The following HIKESHI variants were observed in gnomAD, a reference collection of about 807,000 sequenced individuals.
HIKESHI encodes the protein protein Hikeshi.
In HIKESHI, 13 loss-of-function variants were observed where a neutral mutation model predicts 25.7. That is an observed-to-expected ratio of 0.51 (90% CI 0.33 to 0.80). HIKESHI has a LOEUF of 0.80. Among genes scored for constraint, HIKESHI ranks in the 30% least tolerant of loss-of-function variants. The pLI is 0.02. For synonymous variants in HIKESHI, 76 were observed against 78.7 expected (o/e 0.97, Z 0.18); for missense variants, 174 against 229.5 (o/e 0.76, Z 1.56).
At chr11:86,329,003 A>C (rs1327541397) in intron 2 of HIKESHI, among the ~76,000 whole-genome samples, 1 of 151,958 alleles carries the variant, frequency 6.6e-6, no homozygotes, top group Non-Finnish European at 1.5e-5. Flanking sequence ...ATATTACCTC[A>C]TAATGGGTTA....
At chr11:86,333,929 T>C (rs539429180) in intron 2 of HIKESHI, among the ~76,000 whole-genome samples, 85 of 151,666 alleles carry the variant, frequency 5.6e-4, no homozygotes, top group Middle Eastern at 3.4e-3. Context: ...TTTCAGGTAT[T>C]ATATTATGGC....
intron 2 of HIKESHI, among the ~76,000 whole-genome samples, chr11:86,327,778 A>G (rs1947320791): frequency 6.6e-6 from 1 of 152,164 alleles, no homozygotes; most frequent in Admixed American, 6.5e-5. Flanking sequence ...CTGGGTTTCC[A>G]TTTTTTAATT....
At chr11:86,318,321 A>AAAAAAAAAAAAAAAAAAAAAAAAAAAAC (rs1947049941) in intron 2 of HIKESHI, among the ~76,000 whole-genome samples, 1 of 148,576 alleles carries the variant, frequency 6.7e-6, no homozygotes, top group Non-Finnish European at 1.5e-5. Flanking sequence ...AAAAAAAAAA[A>AAAAAAAAAAAAAAAAAAAAAAAAAAAAC]AATCCTGAAT....
chr11:86,315,685 G>GAGTTT, intron 2 of HIKESHI, among the ~76,000 whole-genome samples: 2 of 152,070 alleles, frequency 1.3e-5, no homozygotes, highest in Non-Finnish European at 2.9e-5. Flanking sequence ...TGAAGATGAA[G>GAGTTT]ACCATTAGCG....
chr11:86,322,995 G>A (rs538532002), intron 2 of HIKESHI, among the ~76,000 whole-genome samples: 3 of 152,070 alleles, frequency 2.0e-5, no homozygotes, highest in Non-Finnish European at 2.9e-5. Flanking sequence ...TAGGGAGGCC[G>A]GGGCAGGTGG....
chr11:86,326,384 A>G, intron 2 of HIKESHI: 1 of 417,764 alleles, frequency 2.4e-6, no homozygotes, highest in Non-Finnish European at 4.7e-6. Context: ...GTCTTTTGTT[A>G]TATTATGTAA....
At chr11:86,307,189 A>G (rs1289595772) in intron 2 of HIKESHI, among the ~76,000 whole-genome samples, 3 of 81,056 alleles carry the variant, frequency 3.7e-5, no homozygotes, top group African/African-American at 4.8e-5. Context: ...AATATATATT[A>G]TGTGTAATAT....
At position 86,304,512 on chromosome 11, in the gene HIKESHI, C is replaced by CTTT. The variant is rs35545393; in HGVS notation, c.31-1713_31-1711dup. On this transcript the variant is annotated intron_variant, in intron 1 of 4. Coordinates refer to ENST00000278483, the MANE Select transcript of HIKESHI (RefSeq NM_016401.4). ...GCCAGTGTGTGAGTTGCACAACTCA[C>CTTT]TTTTTTTTTTTTTTTTTTTTTTGAG... is the stretch of plus-strand genomic sequence containing the variant. Among the ~76,000 whole-genome samples, 190 of 112,520 alleles carry CTTT rather than the reference C, an allele frequency of 1.7e-3. 1 individual carries two copies. Among genetic ancestry groups the CTTT allele is most frequent in the East Asian group, 2.7e-3 (10 of 3,684 alleles). The allele number at this position is 112,520 out of a possible 152,430, so 73.8% of individuals were successfully genotyped here.
In HIKESHI at chr11:86,307,607, A is replaced by G. The variant is rs1488075951; in HGVS notation, c.268+1125A>G. On this transcript the variant is annotated intron_variant, in intron 2 of 4. Transcript: ENST00000278483. ...ATATATTATGTGTAGTATACATTAT[A>G]TATAAAATATATATTATGTGTAGTA... Among the ~76,000 whole-genome samples the G allele has an allele frequency of 1.7e-5, 2 of 118,150 alleles. 1 individual carries two copies. The highest frequency in any genetic ancestry group is 3.3e-5 in the Non-Finnish European group (2 of 60,248). The allele number at this position is 118,150 out of a possible 152,430, so 77.5% of individuals were successfully genotyped here. A position where few individuals can be genotyped will look rare whatever the true frequency, so the allele number is the denominator to read the frequency against.
intron 1 of HIKESHI, 106 bp downstream of exon 1, chr11:86,302,584 T>C (rs183651198): frequency 1.1e-5 from 15 of 1,355,384 alleles, no homozygotes; most frequent in Middle Eastern, 2.4e-4. Context: ...AGCCCACTTA[T>C]TATATTTTGG....
intron 1 of HIKESHI, among the ~76,000 whole-genome samples, chr11:86,304,074 A>G (rs1461574882): frequency 6.6e-6 from 1 of 152,180 alleles, no homozygotes; most frequent in African/African-American, 2.4e-5. Context: ...TATTCTTTAT[A>G]CTAAAGCTGG....
intron 2 of HIKESHI, among the ~76,000 whole-genome samples, chr11:86,333,792 A>G (rs1565738906): frequency 6.6e-6 from 1 of 152,210 alleles, no homozygotes; most frequent in African/African-American, 2.4e-5. Flanking sequence ...GAAAAAAAAA[A>G]TAATTGGCTT....
At chr11:86,316,768 A>G (rs923577292) in intron 2 of HIKESHI, among the ~76,000 whole-genome samples, 1 of 83,496 alleles carries the variant, frequency 1.2e-5, no homozygotes, top group Non-Finnish European at 2.6e-5. Flanking sequence ...AATCTGAAAC[A>G]TTCTTTTTTT....
At chr11:86,319,638 A>T (rs291214) in intron 2 of HIKESHI, among the ~76,000 whole-genome samples, 100 of 151,736 alleles carry the variant, frequency 6.6e-4, no homozygotes, top group African/African-American at 2.4e-3. Flanking sequence ...TTATGTTTAT[A>T]TAAGTTTTTA....
chr11:86,310,973 A>G (rs1480348961), intron 2 of HIKESHI, among the ~76,000 whole-genome samples: 1 of 152,146 alleles, frequency 6.6e-6, no homozygotes, highest in Non-Finnish European at 1.5e-5. Flanking sequence ...CCAGTATTTT[A>G]TTGAGGATTT....
chr11:86,313,750 G>A (rs1274346994), intron 2 of HIKESHI, among the ~76,000 whole-genome samples: 1 of 152,198 alleles, frequency 6.6e-6, no homozygotes, highest in Non-Finnish European at 1.5e-5. Context: ...TTTGTACAAA[G>A]TGTGGAGGGA....
At chr11:86,338,965 T>A (rs11234620) in intron 3 of HIKESHI, among the ~76,000 whole-genome samples, 31 of 151,958 alleles carry the variant, frequency 2.0e-4, no homozygotes, top group Non-Finnish European at 3.5e-4. Context: ...CGAAATATTT[T>A]AAATACAGAG....
chr11:86,312,246 G>T (rs1379731042), intron 2 of HIKESHI, among the ~76,000 whole-genome samples: 1 of 152,184 alleles, frequency 6.6e-6, no homozygotes, highest in East Asian at 1.9e-4. Flanking sequence ...GGGTGCCCCT[G>T]TATTGGGTGC....
intron 2 of HIKESHI, among the ~76,000 whole-genome samples, chr11:86,327,953 G>T (rs1240692149): frequency 3.3e-5 from 5 of 152,146 alleles, no homozygotes; most frequent in Non-Finnish European, 5.9e-5. Context: ...ATGGGTAATG[G>T]ATCATGATTG....
Sources: allele counts gnomAD v4.1 joint callset (sites outside exome capture counted in the v4.1 genomes callset), GRCh38; gene constraint gnomAD v4.1.1; transcripts MANE v1.5; gene names NCBI Gene and HGNC (gene_info 2026-07-23, HGNC 2026-07-21).